The following PITPNM3 variants were observed in gnomAD, a reference collection of about 807,000 sequenced individuals.
The protein encoded by PITPNM3 is PITPNM family member 3.
Under a neutral mutation model 102.0 loss-of-function variants are expected in PITPNM3, and 26 were observed. The observed-to-expected ratio is 0.25, with a 90% CI of 0.19 to 0.35. PITPNM3 has a LOEUF of 0.35. Ranked by LOEUF, PITPNM3 falls within the 10% of genes least tolerant of loss-of-function variation. The probability of loss-of-function intolerance (pLI) is 1.00; values close to 1 mark genes in which losing one functional copy is unlikely to be tolerated. For synonymous variants in PITPNM3, 578 were observed against 558.6 expected (o/e 1.03, Z -0.49); for missense variants, 1,083 against 1,346.1 (o/e 0.80, Z 3.06).
chr17:6,477,921 C>T (rs1453186402), intron 8 of PITPNM3, 54 bp downstream of exon 8: 8 of 1,604,110 alleles, frequency 5.0e-6, no homozygotes, highest in South Asian at 1.1e-5. Flanking sequence ...CCCCGAGGGG[C>T]AGGCCCTGCT....
intron 1 of PITPNM3, among the ~76,000 whole-genome samples, chr17:6,548,210 A>G (rs1158131943): frequency 6.6e-6 from 1 of 152,142 alleles, no homozygotes; most frequent in East Asian, 1.9e-4. Flanking sequence ...CCACTGCTGG[A>G]CTGCAACTGA....
chr17:6,547,678 G>A (rs975733725), intron 1 of PITPNM3, among the ~76,000 whole-genome samples: 2 of 152,158 alleles, frequency 1.3e-5, no homozygotes, highest in African/African-American at 2.4e-5. Flanking sequence ...CCCAGGCAAC[G>A]GGAGGCCAGG....
chr17:6,468,334 C>T lies in PITPNM3; in HGVS notation c.1781G>A (p.Arg594His), dbSNP rs374644335. 34 of 1,613,976 alleles carry T rather than the reference C, an allele frequency of 2.1e-5. No individual in the cohort carries two copies. Among genetic ancestry groups the T allele is most frequent in the Admixed American group, 3.3e-5 (2 of 60,010 alleles). Residue 594 changes from arginine to histidine, a missense_variant, in exon 14 of 20, where the codon CGC becomes CAC. Arg to His is a conservative substitution (Grantham distance 29). Coordinates refer to ENST00000262483, the MANE Select transcript of PITPNM3 (RefSeq NM_031220.4). The surrounding 1 kb of genome is among the most constrained non-coding windows in gnomAD (Gnocchi z 5.2). ...VVAFILRQVM[R>H]YESVNIKESA... is the part of the protein sequence containing the mutation. The stretch of plus-strand genomic sequence containing the variant: ...TTCCTTGATGTTCACGCTCTCATAG[C>T]GCATTACCTAGCCAAGAGCCGAGCA...
intron 1 of PITPNM3, among the ~76,000 whole-genome samples, chr17:6,543,868 G>C (rs991609415): frequency 6.6e-6 from 1 of 152,242 alleles, no homozygotes; most frequent in African/African-American, 2.4e-5. Context: ...GGTGGGCAGG[G>C]TTGGCCAGGC....
At position 6,457,526 on chromosome 17, in the gene PITPNM3, C is replaced by A. The variant is rs191067606; in HGVS notation, c.2619+68G>T. 949 of 1,596,360 alleles carry A rather than the reference C, an allele frequency of 5.9e-4. 1 individual carries two copies. Among genetic ancestry groups the A allele is most frequent in the Admixed American group, 7.7e-4 (46 of 59,628 alleles). The stretch of plus-strand genomic sequence containing the variant: ...AATGAATGAATGAATGAATGAAGTG[C>A]TTACTCCCTCTATCCCTTTCCCTGA... On this transcript the variant is annotated intron_variant, in intron 19 of 19. Transcript: ENST00000262483. This position sits in a 1 kb window ranked among gnomAD's most constrained non-coding sequence, Gnocchi z 4.7.
At chr17:6,462,357 C>T (rs1346816844) in intron 17 of PITPNM3, among the ~76,000 whole-genome samples, 6 of 152,182 alleles carry the variant, frequency 3.9e-5, no homozygotes. Flanking sequence ...CTCTCTGCCT[C>T]TGTGGCCATG....
At chr17:6,490,980 AAAGGG>A (rs1906424785) in intron 4 of PITPNM3, among the ~76,000 whole-genome samples, 1 of 118,640 alleles carries the variant, frequency 8.4e-6, no homozygotes, top group African/African-American at 3.2e-5. Flanking sequence ...AAAAAGAAAG[AAAGGG>A]AAGGGGAGGG....
intron 9 of PITPNM3, among the ~76,000 whole-genome samples, chr17:6,475,277 T>C (rs1311018432): frequency 6.6e-6 from 1 of 152,108 alleles, no homozygotes; most frequent in Non-Finnish European, 1.5e-5. Flanking sequence ...TTCCAACCAT[T>C]TCCAACCCAG....
chr17:6,486,204 G>A (rs1013161141), intron 4 of PITPNM3, among the ~76,000 whole-genome samples: 5 of 152,096 alleles, frequency 3.3e-5, no homozygotes, highest in Non-Finnish European at 5.9e-5. Flanking sequence ...GCTACCTCCC[G>A]TGTGTGGCTA....
In PITPNM3 at chr17:6,453,988, G is replaced by A. The variant is rs941214454; in HGVS notation, c.*1350C>T. Reference sequence around the variant, plus strand: ...CAGGAGGGCCTGAGCAGGCTTTAGGGGCCCCAGAAGGGCCAAGTCCTGCCA... The same window carrying A: ...CAGGAGGGCCTGAGCAGGCTTTAGGAGCCCCAGAAGGGCCAAGTCCTGCCA... On this transcript the variant is annotated 3_prime_UTR_variant, in exon 20 of 20. Transcript: ENST00000262483. 1.3e-5 allele frequency: 2 copies of A among 152,440 alleles called. No homozygotes were observed. The highest frequency in any genetic ancestry group is 4.8e-5 in the African/African-American group (2 of 41,478). The allele number at this position is 152,440 out of a possible 1,614,324, so 9.4% of individuals were successfully genotyped here. A position where few individuals can be genotyped will look rare whatever the true frequency, so the allele number is the denominator to read the frequency against.
intron 2 of PITPNM3, among the ~76,000 whole-genome samples, chr17:6,533,448 TG>T (rs1454483169): frequency 6.6e-6 from 1 of 151,578 alleles, no homozygotes; most frequent in African/African-American, 2.4e-5. Context: ...TTGTTTATGG[TG>T]TTTTGTTGTT....
rs148701525 is a variant in PITPNM3 at position 6,511,955 on chromosome 17, G to C, written c.227-8381C>G. 1.3e-4 allele frequency among the ~76,000 whole-genome samples: 20 copies of C among 152,118 alleles called. No homozygotes were observed. In the Admixed American group the frequency reaches 1.3e-3, roughly 10 times the overall value. On this transcript the variant is annotated intron_variant, in intron 3 of 19. Coordinates refer to ENST00000262483, the MANE Select transcript of PITPNM3 (RefSeq NM_031220.4). ...GCGAGACTCCATCTCAAAAAAGAAA[G>C]GTCTGTGGCCAGTGATGGAGGCAGC...
intron 1 of PITPNM3, among the ~76,000 whole-genome samples, chr17:6,555,553 G>A (rs1237102245): frequency 6.6e-6 from 1 of 152,168 alleles, no homozygotes; most frequent in African/African-American, 2.4e-5. Context: ...TCCTCCACCC[G>A]CCTCCCAAGG....
At chr17:6,549,618 G>A (rs1420800227) in intron 1 of PITPNM3, among the ~76,000 whole-genome samples, 1 of 152,230 alleles carries the variant, frequency 6.6e-6, no homozygotes. Flanking sequence ...TTTACCTCCG[G>A]AGTGACTCAC....
intron 18 of PITPNM3, chr17:6,460,617 A>C (rs1193315711): frequency 6.6e-6 from 1 of 152,492 alleles, no homozygotes; most frequent in African/African-American, 2.4e-5. Flanking sequence ...AATTCATGTA[A>C]TTTGCATGTC....
chr17:6,484,233 T>C lies in PITPNM3; in HGVS notation c.334A>G (p.Ile112Val), dbSNP rs200777906. 28 of 1,611,302 alleles carry C rather than the reference T, an allele frequency of 1.7e-5. No individual in the cohort carries two copies. The East Asian group carries it at 5.8e-4, about 33-fold the overall frequency. Residue 112 changes from isoleucine to valine, a missense_variant, in exon 5 of 20, where the codon ATC becomes GTC. By Grantham distance (29) the Ile-to-Val change is conservative. Around this residue, in one of 5 missense-constraint regions of PITPNM3, gnomAD observed 290 missense variants for 337.8 expected, o/e 0.86. Transcript: ENST00000262483. Reference sequence around the variant, plus strand: ...CAGCCTACCTCGCTGTCTTCGTGGATCTCGATGCTTCCCTGGGCTGGGAAC... The same window carrying C: ...CAGCCTACCTCGCTGTCTTCGTGGACCTCGATGCTTCCCTGGGCTGGGAAC... ...QRFPAQGSIE[I>V]HEDSEEGCPQ...
In PITPNM3 at chr17:6,478,512, G is replaced by T. The variant is rs184316619; in HGVS notation, c.777+35C>A. ...CTCTCCCAGGCCGGGGCCGGAACAG[G>T]GGAGGGGAGAGGAGGAGAGGGCAGG... On this transcript the variant is annotated intron_variant, in intron 7 of 19. Transcript: ENST00000262483. The surrounding 1 kb of genome is among the most constrained non-coding windows in gnomAD (Gnocchi z 4.4). The T allele has an allele frequency of 1.7e-4, 267 of 1,610,492 alleles. 1 individual carries two copies. In the East Asian group the frequency reaches 4.3e-3, roughly 26 times the overall value.
intron 3 of PITPNM3, among the ~76,000 whole-genome samples, chr17:6,511,095 G>C (rs1907841217): frequency 2.0e-5 from 3 of 152,204 alleles, no homozygotes; most frequent in Non-Finnish European, 2.9e-5. Context: ...GCTCTCCCAG[G>C]GCTGTTTGAT....
chr17:6,545,854 C>T (rs1292670750), intron 1 of PITPNM3, among the ~76,000 whole-genome samples: 1 of 152,208 alleles, frequency 6.6e-6, no homozygotes, highest in Non-Finnish European at 1.5e-5. Flanking sequence ...GTGGGTTCCC[C>T]CTGAGCAGAC....
Sources: gnomAD v4.1 joint callset for allele counts (sites outside exome capture counted in the v4.1 genomes callset) on GRCh38, gnomAD v4.1.1 for gene constraint, gnomAD v4.1.1 regional missense constraint, Gnocchi (gnomAD v3.1) non-coding constraint, MANE v1.5 for transcripts, NCBI Gene and HGNC (gene_info 2026-07-23, HGNC 2026-07-21) for gene names.